SGMS1: variants seen among roughly 807,000 people sequenced by gnomAD.
The protein encoded by SGMS1 is sphingomyelin synthase 1, also known as phosphatidylcholine:ceramide cholinephosphotransferase 1.
In SGMS1, 13 loss-of-function variants were observed where a neutral mutation model predicts 46.2. The observed-to-expected ratio is 0.28, with a 90% CI of 0.18 to 0.45. The LOEUF (loss-of-function observed/expected upper bound fraction) is 0.45. Ranked by LOEUF, SGMS1 falls within the 20% of genes least tolerant of loss-of-function variation. The probability of loss-of-function intolerance (pLI) is 1.00; values close to 1 mark genes in which losing one functional copy is unlikely to be tolerated. For synonymous variants in SGMS1, 203 were observed against 187.8 expected, an observed-to-expected ratio of 1.08 and a Z score of -0.66; for missense variants, 324 against 519.9, an observed-to-expected ratio of 0.62 and a Z score of 3.66.
chr10:50,352,364 G>A (rs1430177252), intron 6 of SGMS1, among the ~76,000 whole-genome samples: 1 of 152,154 alleles, frequency 6.6e-6, no homozygotes, highest in Non-Finnish European at 1.5e-5. Context: ...GTTAGCCTGG[G>A]CTCAGAGAAG....
At chr10:50,508,771 A>G (rs1837729422) in intron 3 of SGMS1, among the ~76,000 whole-genome samples, 1 of 152,126 alleles carries the variant, frequency 6.6e-6, no homozygotes, top group Non-Finnish European at 1.5e-5. Context: ...CTGCCATAAA[A>G]CCTTGGGCTT....
chr10:50,351,137 G>A (rs930051428), intron 6 of SGMS1, among the ~76,000 whole-genome samples: 1 of 152,186 alleles, frequency 6.6e-6, no homozygotes, highest in Non-Finnish European at 1.5e-5. Context: ...AGTCAAAGGA[G>A]ATCATTTTGG....
rs572647747 is a variant in SGMS1 at position 50,545,729 on chromosome 10, G to A, written c.-588-25808C>T. On this transcript the variant is annotated intron_variant, in intron 2 of 10. Coordinates refer to ENST00000361781, the MANE Select transcript of SGMS1 (RefSeq NM_147156.4). Reference sequence around the variant, plus strand: ...TGGGATTACAGACGTGAGCCATGATGCCCAGCCAGGTAAGTTTTATTAGAA... The same window carrying A: ...TGGGATTACAGACGTGAGCCATGATACCCAGCCAGGTAAGTTTTATTAGAA... 1.2e-4 allele frequency among the ~76,000 whole-genome samples: 18 copies of A among 152,252 alleles called. 1 individual carries two copies. Among genetic ancestry groups the A allele is most frequent in the South Asian group, 2.1e-4 (1 of 4,812 alleles).
At position 50,581,950 on chromosome 10, in the gene SGMS1, T is replaced by C. The variant is rs777317907; in HGVS notation, c.-589+8203A>G. 4.0e-4 allele frequency among the ~76,000 whole-genome samples: 61 copies of C among 152,334 alleles called. 1 individual carries two copies. The highest frequency in any genetic ancestry group is 6.2e-4 in the South Asian group (3 of 4,826). ...AAAGCCATGATCCATTTATGAAATATCTGAGACTCCCACATCCTAGGCACA... is the reference window on the plus strand; with the variant it reads ...AAAGCCATGATCCATTTATGAAATACCTGAGACTCCCACATCCTAGGCACA... On this transcript the variant is annotated intron_variant, in intron 2 of 10. Coordinates refer to ENST00000361781, the MANE Select transcript of SGMS1 (RefSeq NM_147156.4).
At chr10:50,394,270 G>A (rs1248306331) in intron 6 of SGMS1, among the ~76,000 whole-genome samples, 1 of 152,188 alleles carries the variant, frequency 6.6e-6, no homozygotes, top group Non-Finnish European at 1.5e-5. Context: ...GATGATATCT[G>A]AAGAGTCTTA....
At chr10:50,577,878 G>A (rs1362236718) in intron 2 of SGMS1, among the ~76,000 whole-genome samples, 1 of 152,224 alleles carries the variant, frequency 6.6e-6, no homozygotes, top group African/African-American at 2.4e-5. Context: ...GCACAGAGCT[G>A]CGAAGCTTGT....
At chr10:50,533,556 CCTT>C (rs567171138) in intron 2 of SGMS1, among the ~76,000 whole-genome samples, 58 of 152,202 alleles carry the variant, frequency 3.8e-4, no homozygotes, top group Non-Finnish European at 7.2e-4. Flanking sequence ...AAGTTTCAGA[CCTT>C]CTTTCTCTAA....
At chr10:50,445,248 G>A (rs1238378814) in intron 5 of SGMS1, among the ~76,000 whole-genome samples, 3 of 152,168 alleles carry the variant, frequency 2.0e-5, no homozygotes, top group East Asian at 1.9e-4. Flanking sequence ...CATCTCATAA[G>A]TTGCTGATGG....
chr10:50,529,301 T>A (rs1380179801), intron 2 of SGMS1, among the ~76,000 whole-genome samples: 2 of 152,212 alleles, frequency 1.3e-5, no homozygotes, highest in Non-Finnish European at 2.9e-5. Context: ...AAGACTCAAC[T>A]CTGCCTCTAA....
intron 6 of SGMS1, among the ~76,000 whole-genome samples, chr10:50,373,933 C>A (rs80161782): frequency 0.12 from 18,670 of 152,194 alleles, 1,272 homozygotes; most frequent in Middle Eastern, 0.21. Context: ...GCTAAGTACA[C>A]ATTATATAGA....
intron 6 of SGMS1, among the ~76,000 whole-genome samples, chr10:50,369,152 A>G (rs1848395083): frequency 1.3e-5 from 2 of 152,256 alleles, no homozygotes; most frequent in Non-Finnish European, 2.9e-5. Flanking sequence ...CATACACTGT[A>G]AATATGAAGA....
At chr10:50,396,679 G>A (rs1036241589) in intron 6 of SGMS1, among the ~76,000 whole-genome samples, 1 of 152,104 alleles carries the variant, frequency 6.6e-6, no homozygotes, top group Non-Finnish European at 1.5e-5. Context: ...ATGAGCTGCA[G>A]AGTACCTAGT....
At chr10:50,436,526 C>T (rs1293774725) in intron 5 of SGMS1, among the ~76,000 whole-genome samples, 1 of 152,150 alleles carries the variant, frequency 6.6e-6, no homozygotes, top group Non-Finnish European at 1.5e-5. Context: ...ATTAGTTCAG[C>T]TGATGCACTT....
At chr10:50,308,350 T>G (rs1379679290) in intron 9 of SGMS1, among the ~76,000 whole-genome samples, 1 of 152,206 alleles carries the variant, frequency 6.6e-6, no homozygotes, top group Admixed American at 6.5e-5. Flanking sequence ...ATACTAGTGA[T>G]AGTAATTCAT....
chr10:50,622,320 G>A (rs1193031653), intron 1 of SGMS1, among the ~76,000 whole-genome samples: 1 of 152,024 alleles, frequency 6.6e-6, no homozygotes, highest in Non-Finnish European at 1.5e-5. Flanking sequence ...TTCCATCTGG[G>A]CAGCTCTAGG....
chr10:50,532,166 C>T (rs1837960104), intron 2 of SGMS1, among the ~76,000 whole-genome samples: 1 of 151,554 alleles, frequency 6.6e-6, no homozygotes. Context: ...TTATTCAGTT[C>T]CCAGAGATAT....
intron 2 of SGMS1, among the ~76,000 whole-genome samples, chr10:50,542,247 A>G (rs972470542): frequency 6.6e-6 from 1 of 152,180 alleles, no homozygotes; most frequent in Non-Finnish European, 1.5e-5. Context: ...TCCAGGTTCT[A>G]TGTCTCAAAA....
intron 1 of SGMS1, among the ~76,000 whole-genome samples, chr10:50,605,672 G>A (rs1414554360): frequency 2.0e-5 from 3 of 152,096 alleles, no homozygotes; most frequent in East Asian, 1.9e-4. Context: ...AACTGTAAAG[G>A]CAGAATTTCC....
chr10:50,581,287 G>A (rs781575735), intron 2 of SGMS1, among the ~76,000 whole-genome samples: 1 of 152,168 alleles, frequency 6.6e-6, no homozygotes, highest in Non-Finnish European at 1.5e-5. Context: ...CACACCAGTC[G>A]GCAGTACAGC....
Sources: gnomAD v4.1 joint callset for allele counts (sites outside exome capture counted in the v4.1 genomes callset) on GRCh38, gnomAD v4.1.1 for gene constraint, MANE v1.5 for transcripts, NCBI Gene and HGNC (gene_info 2026-07-23, HGNC 2026-07-21) for gene names.